The following AFAP1L2 variants were observed in gnomAD, a reference collection of about 807,000 sequenced individuals.
AFAP1L2 encodes actin filament-associated protein 1-like 2.
In AFAP1L2, 46 loss-of-function variants were observed where a neutral mutation model predicts 99.3. That is an observed-to-expected ratio of 0.46 (90% CI 0.37 to 0.59). The LOEUF is 0.59. Among genes scored for constraint, AFAP1L2 ranks in the 20% least tolerant of loss-of-function variants. The pLI, the probability that AFAP1L2 is intolerant of heterozygous loss-of-function variation, is 0.00. For missense variants in AFAP1L2, 959 were observed against 1,034.9 expected (o/e 0.93, Z 1.01); for synonymous variants, 397 against 419.1 (o/e 0.95, Z 0.64).
intron 5 of AFAP1L2, among the ~76,000 whole-genome samples, chr10:114,320,779 G>A (rs1344460962): frequency 2.0e-5 from 3 of 152,220 alleles, no homozygotes; most frequent in Non-Finnish European, 4.4e-5. Context: ...TGGTGCGTCT[G>A]GCAGGCAGGC....
At chr10:114,331,530 G>A (rs1397913131) in intron 4 of AFAP1L2, among the ~76,000 whole-genome samples, 1 of 152,174 alleles carries the variant, frequency 6.6e-6, no homozygotes, top group African/African-American at 2.4e-5. Flanking sequence ...CTGTTCACAT[G>A]GTGCTGGATA....
intron 2 of AFAP1L2, among the ~76,000 whole-genome samples, chr10:114,336,509 C>T (rs553450873): frequency 3.9e-5 from 6 of 152,304 alleles, no homozygotes; most frequent in South Asian, 2.1e-4. Context: ...GAAATGACTA[C>T]GGCCTGAAGG....
At chr10:114,303,009 C>A (rs904157086) in intron 11 of AFAP1L2, among the ~76,000 whole-genome samples, 1 of 152,172 alleles carries the variant, frequency 6.6e-6, no homozygotes, top group Non-Finnish European at 1.5e-5. Flanking sequence ...AAATACCTTA[C>A]ACTAGCTCAG....
chr10:114,287,916 T>A, the AFAP1L2 span, among the ~76,000 whole-genome samples: 3 of 152,164 alleles, frequency 2.0e-5, no homozygotes, highest in African/African-American at 7.2e-5. Context: ...CAGAATCCCA[T>A]CCAGGACCCC....
At chr10:114,387,536 G>A (rs2056655058) in intron 1 of AFAP1L2, among the ~76,000 whole-genome samples, 1 of 152,170 alleles carries the variant, frequency 6.6e-6, no homozygotes, top group Non-Finnish European at 1.5e-5. Context: ...TAGCACTACG[G>A]GGCTCTGACC....
chr10:114,326,343 C>A (rs1161753059), intron 4 of AFAP1L2, among the ~76,000 whole-genome samples: 1 of 152,228 alleles, frequency 6.6e-6, no homozygotes, highest in Non-Finnish European at 1.5e-5. Flanking sequence ...GCTGCCTCAT[C>A]CATTGTCTTC....
intron 18 of AFAP1L2, 40 bp downstream of exon 18, chr10:114,296,938 T>C: frequency 6.2e-7 from 1 of 1,613,518 alleles, no homozygotes; most frequent in Non-Finnish European, 8.5e-7. Context: ...CTTAGTGACA[T>C]TTCTGCTGGC....
chr10:114,314,089 G>T, intron 6 of AFAP1L2, 39 bp from the exon 7 acceptor site: 1 of 1,581,792 alleles, frequency 6.3e-7, no homozygotes. Flanking sequence ...TTTGCCAGGG[G>T]TGCCGGGCGG....
At chr10:114,368,314 A>C (rs1054599270) in intron 1 of AFAP1L2, among the ~76,000 whole-genome samples, 1 of 152,212 alleles carries the variant, frequency 6.6e-6, no homozygotes, top group African/African-American at 2.4e-5. Flanking sequence ...TGCTGGTCAA[A>C]GGGTGAAAGT....
chr10:114,295,627 G>A lies in AFAP1L2; in HGVS notation c.*415C>T. 1 of 999,012 alleles carries A rather than the reference G, an allele frequency of 1.0e-6. No individual in the cohort carries two copies. The highest frequency in any genetic ancestry group is 1.2e-6 in the Non-Finnish European group (1 of 838,698). The allele number at this position is 999,012 out of a possible 1,614,324, so 61.9% of individuals were successfully genotyped here. ...AGTATTGGATAAGAGATGATGGCCA[G>A]GAGTTTAGGTCTTCTCACTCACCAA... On this transcript the variant is annotated 3_prime_UTR_variant, in exon 19 of 19. Transcript: ENST00000304129.
At chr10:114,321,549 C>G (rs1299803432) in intron 5 of AFAP1L2, among the ~76,000 whole-genome samples, 1 of 152,210 alleles carries the variant, frequency 6.6e-6, no homozygotes, top group African/African-American at 2.4e-5. Context: ...TGGTCCTGCT[C>G]TTTATGGAAC....
intron 15 of AFAP1L2, among the ~76,000 whole-genome samples, chr10:114,299,859 G>A (rs1264233847): frequency 6.6e-6 from 1 of 152,148 alleles, no homozygotes; most frequent in Non-Finnish European, 1.5e-5. Context: ...GATGCTTCCT[G>A]CTCTTGAACA....
intron 1 of AFAP1L2, among the ~76,000 whole-genome samples, chr10:114,365,638 T>G (rs1260526903): frequency 6.6e-6 from 1 of 152,058 alleles, no homozygotes; most frequent in Non-Finnish European, 1.5e-5. Flanking sequence ...TAGCCCAATT[T>G]CTTCCAAATC....
At chr10:114,316,028 C>A (rs1290690482) in intron 5 of AFAP1L2, among the ~76,000 whole-genome samples, 1 of 152,258 alleles carries the variant, frequency 6.6e-6, no homozygotes, top group Non-Finnish European at 1.5e-5. Flanking sequence ...CCTTTTCTTC[C>A]TCAAATCCTG....
the AFAP1L2 span, chr10:114,289,454 A>G: frequency 1.9e-6 from 3 of 1,614,006 alleles, no homozygotes; most frequent in African/African-American, 2.7e-5. Flanking sequence ...GACCTGCGGT[A>G]CCACCAGGAC....
intron 1 of AFAP1L2, among the ~76,000 whole-genome samples, chr10:114,351,144 T>C (rs947742731): frequency 6.6e-6 from 1 of 152,106 alleles, no homozygotes; most frequent in Non-Finnish European, 1.5e-5. Context: ...CTGTGTTGGA[T>C]AGGAAAAAAG....
intron 1 of AFAP1L2, among the ~76,000 whole-genome samples, chr10:114,402,422 C>T (rs1293071877): frequency 6.6e-6 from 1 of 152,202 alleles, no homozygotes; most frequent in African/African-American, 2.4e-5. Flanking sequence ...AGCAGCATGA[C>T]ACCAGCGAGA....
intron 11 of AFAP1L2, among the ~76,000 whole-genome samples, chr10:114,302,909 C>T (rs908456576): frequency 6.6e-6 from 1 of 152,118 alleles, no homozygotes; most frequent in Non-Finnish European, 1.5e-5. Flanking sequence ...TCCCCCAATC[C>T]CATATACAAC....
At chr10:114,390,623 AG>A (rs1209833763) in intron 1 of AFAP1L2, among the ~76,000 whole-genome samples, 2 of 148,710 alleles carry the variant, frequency 1.3e-5, no homozygotes, top group African/African-American at 5.0e-5. Context: ...CAGGAGGCTG[AG>A]GTAGGAGAAT....
Sources: allele counts gnomAD v4.1 joint callset (sites outside exome capture counted in the v4.1 genomes callset), GRCh38; gene constraint gnomAD v4.1.1; transcripts MANE v1.5; gene names NCBI Gene and HGNC (gene_info 2026-07-23, HGNC 2026-07-21).